Variants in POLR1C observed in about 807,000 individuals in gnomAD.
POLR1C encodes RNA polymerase I and III subunit C, also known as DNA-directed RNA polymerases I and III subunit RPAC1.
In POLR1C, 42 loss-of-function variants were observed where a neutral mutation model predicts 38.3. That is an observed-to-expected ratio of 1.10 (90% CI 0.86 to 1.42). The LOEUF is 1.42. Among genes scored for constraint, POLR1C ranks in the 40% most tolerant of loss-of-function variants. The pLI is 0.00. For synonymous variants in POLR1C, 163 were observed against 163.9 expected (o/e 0.99, Z 0.04); for missense variants, 507 against 450.5 (o/e 1.13, Z -1.14).
chr6:43,560,410 A>G, intron 10 of POLR1C: 1 of 1,355,326 alleles, frequency 7.4e-7, no homozygotes, highest in Non-Finnish European at 9.7e-7. Context: ...AAATCTGTAC[A>G]ATACTTTGAA....
At chr6:43,549,303 A>T (rs1470698584) in intron 9 of POLR1C, among the ~76,000 whole-genome samples, 3 of 152,168 alleles carry the variant, frequency 2.0e-5, no homozygotes, top group African/African-American at 4.8e-5. Context: ...GCCTCAGGTG[A>T]TCTACCCACC....
chr6:43,519,948 G>T, intron 4 of POLR1C, 110 bp downstream of exon 4: 1 of 1,541,436 alleles, frequency 6.5e-7, no homozygotes, highest in South Asian at 1.2e-5. Flanking sequence ...TCATCTGTGA[G>T]AACACTTGCC....
chr6:43,519,605 A>G, intron 3 of POLR1C, 101 bp from the exon 4 acceptor site: 1 of 1,537,274 alleles, frequency 6.5e-7, no homozygotes. Context: ...TAAACATTCT[A>G]GGAAGAGAGA....
rs578081483 is a variant in POLR1C at position 43,539,550 on chromosome 6, C to T, written c.*4+10191C>T. 441 of 1,397,090 alleles carry T rather than the reference C, an allele frequency of 3.2e-4. 3 individuals are homozygous for T. Among genetic ancestry groups the T allele is most frequent in the Admixed American group, 6.9e-5 (4 of 57,782 alleles). 86.5% of individuals were successfully genotyped at this position (1,397,090 alleles called of 1,614,324 possible). On this transcript the variant is annotated intron_variant, in intron 9 of 10. Transcript: ENST00000607635. ...CACTCCTTATCTTTGGCCTTGCCTC[C>T]GCGAGCTCCGCGGCCTCAGCCCCGG...
At position 43,550,998 on chromosome 6, in the gene POLR1C, G is replaced by GT. The variant is rs759232724; in HGVS notation, c.*36dup. On this transcript the variant is annotated 3_prime_UTR_variant, in exon 10 of 11. Coordinates refer to the POLR1C transcript ENST00000607635. ...TCCTAAAGAGTGAGGCACTAGCATG[G>GT]TACCTGATCCACAGTAAGTACTGAG... 7.3e-4 allele frequency: 147 copies of GT among 201,386 alleles called. 1 individual carries two copies. Among genetic ancestry groups the GT allele is most frequent in the Non-Finnish European group, 5.8e-4 (58 of 100,162 alleles). 12.5% of individuals were successfully genotyped at this position (201,386 alleles called of 1,614,324 possible).
intron 9 of POLR1C, among the ~76,000 whole-genome samples, chr6:43,542,967 T>TC (rs1794778812): frequency 6.6e-6 from 1 of 151,944 alleles, no homozygotes; most frequent in African/African-American, 2.4e-5. Context: ...CACCCAAAGG[T>TC]CCATCAAGGC....
chr6:43,543,371 T>C (rs111598414), intron 9 of POLR1C, among the ~76,000 whole-genome samples: 4,982 of 152,214 alleles, frequency 0.033, 262 homozygotes, highest in African/African-American at 0.11. Flanking sequence ...GAGGACTGCT[T>C]GAGCCCATGA....
At chr6:43,561,327 C>T (rs570088495) in intron 10 of POLR1C, 30 of 261,810 alleles carry the variant, frequency 1.1e-4, no homozygotes, top group African/African-American at 5.1e-4. Context: ...CAGACCTTAC[C>T]TATTCACATC....
chr6:43,544,688 G>A (rs1161014434), intron 9 of POLR1C, among the ~76,000 whole-genome samples: 1 of 152,078 alleles, frequency 6.6e-6, no homozygotes, highest in East Asian at 1.9e-4. Flanking sequence ...CACTTTGGGA[G>A]ACTGAAGCAG....
intron 9 of POLR1C, chr6:43,539,649 TC>T: frequency 1.6e-6 from 2 of 1,278,870 alleles, no homozygotes; most frequent in Non-Finnish European, 2.2e-6. Context: ...CGGTTCCCCA[TC>T]CCAGGGCCAC....
At chr6:43,547,484 G>T (rs751481992) in intron 9 of POLR1C, 1 of 804,722 alleles carries the variant, frequency 1.2e-6, no homozygotes, top group African/African-American at 1.7e-5. Context: ...GAAGCTTAGG[G>T]AAGTGGAGAC....
At chr6:43,536,664 G>A (rs912674221) in intron 9 of POLR1C, among the ~76,000 whole-genome samples, 1 of 146,602 alleles carries the variant, frequency 6.8e-6, no homozygotes, top group African/African-American at 2.5e-5. Context: ...GGAGGCTGAG[G>A]TAGGAGAATC....
At chr6:43,548,114 A>C (rs1343927560) in intron 9 of POLR1C, 4 of 834,856 alleles carry the variant, frequency 4.8e-6, no homozygotes, top group Non-Finnish European at 3.6e-6. Flanking sequence ...ATTAAATTAC[A>C]AAAGACTGCT....
chr6:43,539,744 T>A, intron 9 of POLR1C: 1 of 607,588 alleles, frequency 1.6e-6, no homozygotes, highest in South Asian at 2.0e-5. Context: ...TTTCTATTCT[T>A]GGGAATAGTT....
At chr6:43,555,393 A>G (rs7752811) in intron 10 of POLR1C, 28,772 of 154,368 alleles carry the variant, frequency 0.19, 5,759 homozygotes, top group African/African-American at 0.51. Context: ...AAAGCTTTGG[A>G]GTGGCTGAGT....
chr6:43,529,191 TAGGA>T (rs1793787679), intron 8 of POLR1C: 9 of 1,452,912 alleles, frequency 6.2e-6, no homozygotes, highest in East Asian at 3.1e-5. Context: ...AATAAAAAAA[TAGGA>T]AGGAGGACAT....
downstream of POLR1C, chr6:43,522,703 G>C: frequency 2.0e-6 from 1 of 498,770 alleles, no homozygotes; most frequent in Non-Finnish European, 4.2e-6. Flanking sequence ...TTCGGCTCTC[G>C]GGGAAACCCT....
intron 10 of POLR1C, chr6:43,553,259 G>A (rs1795337405): frequency 1.5e-6 from 2 of 1,309,754 alleles, no homozygotes; most frequent in Admixed American, 2.6e-5. Flanking sequence ...CTATGATTGT[G>A]CCACTGCATT....
downstream of POLR1C, chr6:43,523,342 G>A (rs886191703): frequency 1.5e-5 from 4 of 264,262 alleles, no homozygotes; most frequent in Non-Finnish European, 3.0e-5. Flanking sequence ...GTTCTCTTCA[G>A]CACTTAGCAC....
Sources: gnomAD v4.1 joint callset for allele counts (sites outside exome capture counted in the v4.1 genomes callset) on GRCh38, gnomAD v4.1.1 for gene constraint, MANE v1.5 for transcripts, NCBI Gene and HGNC (gene_info 2026-07-23, HGNC 2026-07-21) for gene names.